The following TMEM30A variants were observed in gnomAD, a reference collection of about 807,000 sequenced individuals.
TMEM30A encodes cell cycle control protein 50A.
In TMEM30A, 24 loss-of-function variants were observed where a neutral mutation model predicts 38.2. The observed-to-expected ratio is 0.63, with a 90% CI of 0.46 to 0.88. TMEM30A has a LOEUF of 0.88. Ranked by LOEUF, TMEM30A falls within the 40% of genes least tolerant of loss-of-function variation. TMEM30A has a pLI of 0.00. For missense variants in TMEM30A, 370 were observed against 458.6 expected, an observed-to-expected ratio of 0.81 and a Z score of 1.77; for synonymous variants, 145 against 161.6, an observed-to-expected ratio of 0.90 and a Z score of 0.78.
In TMEM30A at chr6:75,264,591, G is replaced by A. The variant is rs749002393; in HGVS notation, c.453+640C>T. ...GTGGAGGCTGCAGTGAGCCGAGGTC[G>A]CGCCACTGCACTCCAGTCTGGGCAA... On this transcript the variant is annotated intron_variant, in intron 3 of 6. Transcript: ENST00000230461. Among the ~76,000 whole-genome samples the A allele has an allele frequency of 7.9e-5, 12 of 151,740 alleles. 1 individual carries two copies. Among genetic ancestry groups the A allele is most frequent in the Non-Finnish European group, 1.5e-4 (10 of 67,954 alleles).
intron 1 of TMEM30A, among the ~76,000 whole-genome samples, chr6:75,271,525 G>A (rs1772169133): frequency 6.6e-6 from 1 of 152,062 alleles, no homozygotes; most frequent in Admixed American, 6.6e-5. Context: ...AAGCCTATGT[G>A]TAAGGCATGA....
At chr6:75,261,387 T>A (rs1456101486) in intron 3 of TMEM30A, among the ~76,000 whole-genome samples, 1 of 152,194 alleles carries the variant, frequency 6.6e-6, no homozygotes, top group Non-Finnish European at 1.5e-5. Flanking sequence ...ATTTTGTGAT[T>A]TGGGGTTAAA....
In TMEM30A at chr6:75,253,263, GCTC is replaced by G. The variant is rs932400303; in HGVS notation, c.*2836_*2838del. 4 of 152,118 alleles carry G rather than the reference GCTC, an allele frequency of 2.6e-5. No homozygotes were observed. Among genetic ancestry groups the G allele is most frequent in the African/African-American group, 9.7e-5 (4 of 41,432 alleles). 9.4% of individuals were successfully genotyped at this position (152,118 alleles called of 1,614,324 possible). A position where few individuals can be genotyped will look rare whatever the true frequency, so the allele number is the denominator to read the frequency against. ...CATTCACTGACCCTATCTCTCAGCT[GCTC>G]CTCCTCACTAGTCAGGTTTTTCCTG... On this transcript the variant is annotated 3_prime_UTR_variant, in exon 7 of 7. Coordinates refer to ENST00000230461, the MANE Select transcript of TMEM30A (RefSeq NM_018247.4).
At chr6:75,279,186 T>C (rs1274686148) in intron 1 of TMEM30A, among the ~76,000 whole-genome samples, 1 of 152,166 alleles carries the variant, frequency 6.6e-6, no homozygotes, top group African/African-American at 2.4e-5. Flanking sequence ...TTCCCAGAGA[T>C]GCACTTTGAA....
chr6:75,253,068 T>C lies in TMEM30A; in HGVS notation c.*3034A>G, dbSNP rs573682199. On this transcript the variant is annotated 3_prime_UTR_variant, in exon 7 of 7. Transcript: ENST00000230461. The stretch of plus-strand genomic sequence containing the variant: ...ATCCAAACCCTACAATAGACACTTA[T>C]GCATCAAAATTCTTGTAAAAGGACC... The C allele has an allele frequency of 3.8e-4, 58 of 152,152 alleles. No individual in the cohort carries two copies. The highest frequency in any genetic ancestry group is 1.3e-3 in the African/African-American group (54 of 41,528). The allele number at this position is 152,152 out of a possible 1,614,324, so 9.4% of individuals were successfully genotyped here.
intron 1 of TMEM30A, among the ~76,000 whole-genome samples, chr6:75,270,933 G>C (rs1436098070): frequency 6.6e-6 from 1 of 152,128 alleles, no homozygotes; most frequent in Non-Finnish European, 1.5e-5. Context: ...TCTCCCAAAC[G>C]AAGAGAGGCA....
In TMEM30A at chr6:75,279,541, A is replaced by G. The variant is rs186174628; in HGVS notation, c.237+4861T>C. Among the ~76,000 whole-genome samples the G allele has an allele frequency of 3.7e-3, 566 of 152,326 alleles. 16 individuals are homozygous for G. The highest frequency in any genetic ancestry group is 0.035 in the Admixed American group (533 of 15,300). On this transcript the variant is annotated intron_variant, in intron 1 of 6. Coordinates refer to ENST00000230461, the MANE Select transcript of TMEM30A (RefSeq NM_018247.4). The stretch of plus-strand genomic sequence containing the variant: ...ATGCTTACTAACGTCAAGAGCATAC[A>G]AGGCACAGTGCAAACTACAATGATA...
chr6:75,282,760 T>C (rs7741596), intron 1 of TMEM30A, among the ~76,000 whole-genome samples: 21,172 of 152,188 alleles, frequency 0.14, 2,147 homozygotes, highest in African/African-American at 0.29. Context: ...ATCTTATTTA[T>C]ATTGCTTCTA....
intron 3 of TMEM30A, among the ~76,000 whole-genome samples, chr6:75,263,368 G>T (rs376663860): frequency 2.0e-5 from 3 of 152,152 alleles, no homozygotes; most frequent in African/African-American, 7.2e-5. Context: ...ATTTTAGGTA[G>T]GGAAGTGATA....
intron 1 of TMEM30A, chr6:75,272,316 G>C (rs1347845262): frequency 1.3e-5 from 2 of 152,234 alleles, no homozygotes; most frequent in African/African-American, 4.8e-5. Context: ...AGCCCAGTTA[G>C]TTGCTTCGGC....
At chr6:75,284,170 C>G in intron 1 of TMEM30A, 1 of 590,342 alleles carries the variant, frequency 1.7e-6, no homozygotes, top group Non-Finnish European at 3.0e-6. Context: ...CAGCTCATTC[C>G]GTGGATTTGC....
chr6:75,278,718 G>C (rs572275109), intron 1 of TMEM30A, among the ~76,000 whole-genome samples: 1 of 152,280 alleles, frequency 6.6e-6, no homozygotes, highest in East Asian at 1.9e-4. Context: ...CTAACTGATA[G>C]TGTAGCAATC....
chr6:75,260,168 G>A (rs1321732416), intron 4 of TMEM30A, among the ~76,000 whole-genome samples: 1 of 152,030 alleles, frequency 6.6e-6, no homozygotes, highest in Non-Finnish European at 1.5e-5. Flanking sequence ...CAACTTGGGA[G>A]GCCGAAGTGG....
chr6:75,279,228 T>C (rs1772314953), intron 1 of TMEM30A, among the ~76,000 whole-genome samples: 1 of 152,150 alleles, frequency 6.6e-6, no homozygotes, highest in Admixed American at 6.5e-5. Flanking sequence ...CCAATGTTGA[T>C]TAAAATCCTT....
intron 1 of TMEM30A, among the ~76,000 whole-genome samples, chr6:75,270,877 T>A (rs1582281916): frequency 1.3e-5 from 2 of 152,278 alleles, no homozygotes; most frequent in South Asian, 4.1e-4. Context: ...CACTGCATAA[T>A]TAAAGAAGAG....
intron 1 of TMEM30A, among the ~76,000 whole-genome samples, chr6:75,276,910 A>G (rs1337737356): frequency 2.0e-5 from 3 of 151,906 alleles, no homozygotes; most frequent in Non-Finnish European, 4.4e-5. Context: ...ATTCCTCAGG[A>G]CCTATGCTCT....
rs565354760 is a variant in TMEM30A, at chr6:75,278,307, C to T, written c.237+6095G>A. On this transcript the variant is annotated intron_variant, in intron 1 of 6. Coordinates refer to ENST00000230461, the MANE Select transcript of TMEM30A (RefSeq NM_018247.4). ...GCAGAGACTGCTAATAGCAACCCCT[C>T]GCCTCAATTTCTATTCTATCTTTTT... 3.3e-5 allele frequency among the ~76,000 whole-genome samples: 5 copies of T among 152,280 alleles called. No individual in the cohort carries two copies. In the East Asian group the frequency reaches 5.8e-4, roughly 18 times the overall value.
At chr6:75,266,546 T>C (rs1191272219) in intron 2 of TMEM30A, among the ~76,000 whole-genome samples, 4 of 152,344 alleles carry the variant, frequency 2.6e-5, no homozygotes, top group African/African-American at 7.2e-5. Flanking sequence ...AATTCAAAGT[T>C]TGAGCTTGTG....
At chr6:75,258,755 T>C (rs1434650199) in intron 6 of TMEM30A, 25 bp downstream of exon 6, 1 of 1,607,560 alleles carries the variant, frequency 6.2e-7, no homozygotes, top group Non-Finnish European at 8.5e-7. Context: ...TCTATGAATC[T>C]GTATACCCAG....
Sources: allele counts gnomAD v4.1 joint callset (sites outside exome capture counted in the v4.1 genomes callset), GRCh38; gene constraint gnomAD v4.1.1; transcripts MANE v1.5; gene names NCBI Gene and HGNC (gene_info 2026-07-23, HGNC 2026-07-21).